The following CAST variants were observed in gnomAD, a reference collection of about 807,000 sequenced individuals.
CAST encodes calpastatin.
Under a neutral mutation model 119.6 loss-of-function variants are expected in CAST, and 76 were observed. The ratio of observed to expected loss-of-function variants is 0.64; its 90% CI spans 0.53 to 0.77. CAST has a LOEUF of 0.77. Among genes scored for constraint, CAST ranks in the 30% least tolerant of loss-of-function variants. CAST has a pLI of 0.00. For synonymous variants in CAST, 319 were observed against 331.6 expected, an observed-to-expected ratio of 0.96 and a Z score of 0.41; for missense variants, 953 against 946.5, an observed-to-expected ratio of 1.01 and a Z score of -0.09.
At chr5:96,371,367 G>A in the CAST span, among the ~76,000 whole-genome samples, 1 of 152,194 alleles carries the variant, frequency 6.6e-6, no homozygotes, top group Non-Finnish European at 1.5e-5. Context: ...TAGCCCATGG[G>A]GGAGGAGACC....
the CAST span, among the ~76,000 whole-genome samples, chr5:96,129,229 A>G: frequency 5.9e-5 from 9 of 152,146 alleles, no homozygotes; most frequent in African/African-American, 9.6e-5. Context: ...ATCCCCCAAG[A>G]CAGTTTTATA....
At chr5:95,990,540 C>T in the CAST span, among the ~76,000 whole-genome samples, 1 of 151,822 alleles carries the variant, frequency 6.6e-6, no homozygotes, top group Non-Finnish European at 1.5e-5. Context: ...CACCAGTCAC[C>T]TTTAAAATTA....
intron 9 of CAST, among the ~76,000 whole-genome samples, chr5:96,734,324 A>G (rs940259414): frequency 5.3e-5 from 8 of 152,154 alleles, no homozygotes; most frequent in African/African-American, 1.9e-4. Flanking sequence ...GAGAGAACAG[A>G]TGGGGTGATG....
At chr5:95,980,303 A>G in the CAST span, 1 of 152,196 alleles carries the variant, frequency 6.6e-6, no homozygotes, top group African/African-American at 2.4e-5. Flanking sequence ...TCTGTGATTG[A>G]AAGTCTCCTT....
chr5:96,555,812 A>G (rs1746227613), intron 1 of CAST, among the ~76,000 whole-genome samples: 1 of 152,210 alleles, frequency 6.6e-6, no homozygotes. Flanking sequence ...GGGCATAGCC[A>G]AACAAAAGGC....
chr5:96,708,649 C>G (rs577962932), intron 3 of CAST, among the ~76,000 whole-genome samples: 5 of 152,220 alleles, frequency 3.3e-5, no homozygotes, highest in Admixed American at 6.5e-5. Flanking sequence ...AGCCACCATG[C>G]CTGGCTCATT....
the CAST span, chr5:95,962,058 G>A: frequency 2.5e-6 from 1 of 399,996 alleles, no homozygotes; most frequent in Non-Finnish European, 4.4e-6. Context: ...ACGTCTAGGT[G>A]ACGCGCCAAC....
the CAST span, among the ~76,000 whole-genome samples, chr5:96,155,334 A>G: frequency 6.6e-6 from 1 of 152,196 alleles, no homozygotes; most frequent in African/African-American, 2.4e-5. Flanking sequence ...CCCGCCCATC[A>G]TGCATGGCTT....
At chr5:96,593,241 G>C (rs1580838234) in intron 1 of CAST, among the ~76,000 whole-genome samples, 1 of 152,292 alleles carries the variant, frequency 6.6e-6, no homozygotes, top group Admixed American at 6.5e-5. Flanking sequence ...TTGTTCACTT[G>C]CAAAATCTTT....
intron 20 of CAST, 80 bp downstream of exon 20, chr5:96,750,762 C>A (rs1405168965): frequency 2.7e-6 from 2 of 747,022 alleles, no homozygotes; most frequent in East Asian, 2.6e-5. Flanking sequence ...TGTGTATTAC[C>A]ATCATTTTAT....
chr5:96,695,858 G>T lies in CAST; in HGVS notation c.161G>T (p.Ser54Ile). 1.9e-6 allele frequency: 3 copies of T among 1,612,970 alleles called. No homozygotes were observed. Among genetic ancestry groups the T allele is most frequent in the Non-Finnish European group, 2.5e-6 (3 of 1,179,220 alleles). The change falls in exon 3 of 32, where the codon AGC becomes ATC. Residue 54 changes from serine (S) to isoleucine (I), a missense_variant. Transcript: ENST00000675179. ...AAGAAAAAAGCAGCAAGCCTCGGCA[G>T]CAGTCAATCCTCCAGAACCTATGCT... ...SDEKKAASLG[S>I]SQSSRTYAGG...
At chr5:95,997,868 C>A in the CAST span, among the ~76,000 whole-genome samples, 1 of 150,768 alleles carries the variant, frequency 6.6e-6, no homozygotes, top group East Asian at 1.9e-4. Flanking sequence ...TATAAAAATG[C>A]GAATGATCTG....
intron 1 of CAST, among the ~76,000 whole-genome samples, chr5:96,673,820 T>C (rs1750392657): frequency 6.6e-6 from 1 of 152,242 alleles, no homozygotes; most frequent in Non-Finnish European, 1.5e-5. Context: ...ATTTAATTAT[T>C]CAATAGATTG....
At chr5:96,716,241 C>T (rs542742957) in intron 3 of CAST, among the ~76,000 whole-genome samples, 1 of 152,256 alleles carries the variant, frequency 6.6e-6, no homozygotes, top group Admixed American at 6.5e-5. Context: ...TTGCGGTTGT[C>T]TTACAGGAAG....
chr5:96,044,291 G>A, the CAST span, among the ~76,000 whole-genome samples: 3 of 152,162 alleles, frequency 2.0e-5, no homozygotes, highest in Non-Finnish European at 2.9e-5. Context: ...AGGTGATTAG[G>A]TCATAAGAGT....
the CAST span, among the ~76,000 whole-genome samples, chr5:96,231,997 G>A: frequency 6.6e-6 from 1 of 152,050 alleles, no homozygotes; most frequent in South Asian, 2.1e-4. Context: ...GTGCCAATAG[G>A]TCCATGGTGC....
At chr5:96,409,684 C>T in the CAST span, among the ~76,000 whole-genome samples, 1 of 152,202 alleles carries the variant, frequency 6.6e-6, no homozygotes, top group Non-Finnish European at 1.5e-5. Flanking sequence ...ATGACAACAG[C>T]CAGGGGCTCT....
At chr5:96,537,686 A>G (rs1177311440) in intron 1 of CAST, among the ~76,000 whole-genome samples, 1 of 152,202 alleles carries the variant, frequency 6.6e-6, no homozygotes, top group African/African-American at 2.4e-5. Flanking sequence ...GAAGCGGCAG[A>G]AAAACAAAGG....
the CAST span, among the ~76,000 whole-genome samples, chr5:96,190,890 C>T: frequency 7.8e-3 from 1,185 of 152,274 alleles, 7 homozygotes; most frequent in Non-Finnish European, 0.012. Context: ...CTTCCTCTCT[C>T]CTCTAGTAGT....
Sources: gnomAD v4.1 joint callset for allele counts (sites outside exome capture counted in the v4.1 genomes callset) on GRCh38, gnomAD v4.1.1 for gene constraint, MANE v1.5 for transcripts, NCBI Gene and HGNC (gene_info 2026-07-23, HGNC 2026-07-21) for gene names.